TM4SF1: variants seen among roughly 807,000 people sequenced by gnomAD.
TM4SF1 encodes transmembrane 4 L6 family member 1.
TM4SF1 carries 20 observed loss-of-function variants against 24.5 expected under a neutral mutation model. That is an observed-to-expected ratio of 0.82 (90% confidence interval 0.57 to 1.19). The LOEUF (loss-of-function observed/expected upper bound fraction) is 1.19. Ranked by LOEUF, TM4SF1 falls within the 50% of genes most tolerant of loss-of-function variation. TM4SF1 has a pLI of 0.00. For synonymous variants in TM4SF1, 107 were observed against 95.4 expected (o/e 1.12, Z -0.71); for missense variants, 258 against 248.1 (o/e 1.04, Z -0.27).
intron 3 of TM4SF1, 55 bp from the exon 4 acceptor site, chr3:149,371,922 A>C: frequency 6.5e-7 from 1 of 1,538,538 alleles, no homozygotes. Context: ...GGGATACTTC[A>C]TAAACTACTT....
chr3:149,376,950 T>A (rs143646518), intron 1 of TM4SF1, among the ~76,000 whole-genome samples: 5 of 152,296 alleles, frequency 3.3e-5, no homozygotes, highest in Admixed American at 3.3e-4. Flanking sequence ...TTTTTCCCTA[T>A]CACAGATGGC....
intron 1 of TM4SF1, among the ~76,000 whole-genome samples, chr3:149,376,336 G>A (rs934329892): frequency 2.6e-5 from 4 of 152,148 alleles, no homozygotes; most frequent in Non-Finnish European, 5.9e-5. Flanking sequence ...GTGATGTTAT[G>A]TTTAAGACAA....
At chr3:149,372,048 A>G (rs911281845) in intron 3 of TM4SF1, among the ~76,000 whole-genome samples, 181 bp from the exon 4 acceptor site, 1 of 152,208 alleles carries the variant, frequency 6.6e-6, no homozygotes, top group African/African-American at 2.4e-5. Flanking sequence ...ATCCTACTGT[A>G]ATGATAAACA....
chr3:149,377,431 G>C lies in TM4SF1; in HGVS notation c.117C>G (p.Ser39=). The stretch of plus-strand genomic sequence containing the variant: ...ACACGAAGCGGCTGAGGTGGTTTTC[G>C]GAGGCATACTTTGTTTCCCCATTGG... ...YFPNGETKYA[S]ENHLSRFVWF... Residue 39 remains serine (S), a synonymous_variant, in exon 1 of 5, where the codon TCC becomes TCG. Coordinates refer to ENST00000305366, the MANE Select transcript of TM4SF1 (RefSeq NM_014220.3). 1.9e-6 allele frequency: 3 copies of C among 1,614,044 alleles called. No individual in the cohort carries two copies. Among genetic ancestry groups the C allele is most frequent in the Non-Finnish European group, 2.5e-6 (3 of 1,179,968 alleles).
Position 149,371,804 on chromosome 3 carries a change from A to G in TM4SF1, c.477T>C (p.Asn159=), listed in dbSNP as rs1326505201. 4 of 1,614,022 alleles carry G rather than the reference A, an allele frequency of 2.5e-6. No homozygotes were observed. Among genetic ancestry groups the G allele is most frequent in the Non-Finnish European group, 3.4e-6 (4 of 1,180,022 alleles). Residue 159 remains asparagine (N), a synonymous_variant, in exon 4 of 5, where the codon AAT becomes AAC. Transcript: ENST00000305366. ...CTEPKHIVEW[N]VSLFSILLAL... ...CCAAGAGGATAGAAAACAGAGATAC[A>G]TTCCATTCCACAATGTGCTTGGGTT...
chr3:149,370,338 T>C (rs1443604323), intron 4 of TM4SF1: 1 of 156,378 alleles, frequency 6.4e-6, no homozygotes, highest in African/African-American at 2.4e-5. Context: ...CTGTAGTATC[T>C]GGGAAGAAGC....
chr3:149,375,559 A>G lies in TM4SF1; in HGVS notation c.297T>C (p.Ile99=). Residue 99 remains isoleucine (I), a synonymous_variant, in exon 3 of 5, where the codon ATT becomes ATC. Coordinates refer to ENST00000305366, the MANE Select transcript of TM4SF1 (RefSeq NM_014220.3). ...AMLSSVLAAL[I]GIAGSGYCVI... is the part of the protein sequence containing the mutation. ...CACAGTAGCCAGATCCTGCAATTCC[A>G]ATGAGAGCAGCCAATACAGAAGAAA... 6.2e-7 allele frequency: 1 copy of G among 1,614,216 alleles called. No homozygotes were observed. The highest frequency in any genetic ancestry group is 8.5e-7 in the Non-Finnish European group (1 of 1,180,032).
intron 3 of TM4SF1, among the ~76,000 whole-genome samples, chr3:149,374,518 A>G (rs67727311): frequency 6.6e-6 from 1 of 152,042 alleles, no homozygotes; most frequent in Non-Finnish European, 1.5e-5. Context: ...TCATCACCAC[A>G]TACATCCGTT....
chr3:149,376,775 C>G (rs777414220), intron 1 of TM4SF1, among the ~76,000 whole-genome samples: 2 of 152,206 alleles, frequency 1.3e-5, no homozygotes, highest in Non-Finnish European at 2.9e-5. Flanking sequence ...ATTCCTCTCA[C>G]TTCAATCAAA....
rs200476284 is a variant in TM4SF1 at position 149,375,797 on chromosome 3, C to T, written c.178-28G>A. Reference sequence around the variant, plus strand: ...GGTTAGGAAACAAACAAAGTCAGGTCATTGTCTTGCTCAGGCTCATATGGG... The same window carrying T: ...GGTTAGGAAACAAACAAAGTCAGGTTATTGTCTTGCTCAGGCTCATATGGG... On this transcript the variant is annotated intron_variant, in intron 1 of 4. Transcript: ENST00000305366. The T allele has an allele frequency of 1.0e-4, 163 of 1,611,032 alleles. No individual in the cohort carries two copies. In the African/African-American group the frequency reaches 2.0e-3, roughly 20 times the overall value.
intron 4 of TM4SF1, 34 bp from the exon 5 acceptor site, chr3:149,369,914 TCA>T: frequency 6.3e-7 from 1 of 1,593,362 alleles, no homozygotes; most frequent in Non-Finnish European, 8.5e-7. Context: ...TAGGCTATAA[TCA>T]GGATAAATAA....
chr3:149,371,377 T>C, intron 4 of TM4SF1: 1 of 548,944 alleles, frequency 1.8e-6, no homozygotes, highest in Admixed American at 3.4e-5. Flanking sequence ...GACATCACTT[T>C]TTTTTCTGTC....
chr3:149,369,687 A>G lies in TM4SF1; in HGVS notation c.*179T>C. ...AAAAACAAATAAACAAACAAAAAAGAAGTTTACTAAATTTAAACACTGACA... is the reference window on the plus strand; with the variant it reads ...AAAAACAAATAAACAAACAAAAAAGGAGTTTACTAAATTTAAACACTGACA... On this transcript the variant is annotated 3_prime_UTR_variant, in exon 5 of 5. Coordinates refer to ENST00000305366, the MANE Select transcript of TM4SF1 (RefSeq NM_014220.3). The G allele has an allele frequency of 1.5e-6, 1 of 686,758 alleles. No individual in the cohort carries two copies. Among genetic ancestry groups the G allele is most frequent in the Non-Finnish European group, 2.3e-6 (1 of 432,814 alleles). 42.5% of individuals were successfully genotyped at this position (686,758 alleles called of 1,614,324 possible). A position where few individuals can be genotyped will look rare whatever the true frequency, so the allele number is the denominator to read the frequency against.
intron 4 of TM4SF1, chr3:149,370,665 C>T (rs1731800388): frequency 6.6e-6 from 1 of 152,060 alleles, no homozygotes. Context: ...GGAAATTTGC[C>T]AAAGAAATTA....
Position 149,377,610 on chromosome 3 carries a change from A to G in TM4SF1, c.-63T>C. On this transcript the variant is annotated 5_prime_UTR_variant, in exon 1 of 5. Coordinates refer to ENST00000305366, the MANE Select transcript of TM4SF1 (RefSeq NM_014220.3). ...TCAGCTCAGTGATACCCCAAATTAG[A>G]TGAAAGTGTGCCCTTCTGGTGGAGA... The G allele has an allele frequency of 3.9e-6, 6 of 1,553,910 alleles. No individual in the cohort carries two copies. In the South Asian group the frequency reaches 7.4e-5, roughly 19 times the overall value.
At chr3:149,373,806 G>A (rs1393661594) in intron 3 of TM4SF1, among the ~76,000 whole-genome samples, 1 of 152,174 alleles carries the variant, frequency 6.6e-6, no homozygotes, top group Non-Finnish European at 1.5e-5. Flanking sequence ...GATAATGGGA[G>A]GGGCAAACAG....
intron 4 of TM4SF1, chr3:149,371,341 G>C: frequency 2.1e-6 from 1 of 480,068 alleles, no homozygotes. Flanking sequence ...TATACTAGTT[G>C]GGAATATAAC....
Position 149,377,567 on chromosome 3 carries a change from TC to T in TM4SF1, c.-21del, listed in dbSNP as rs779124373. ...GCACATGGTGGTCTGCTAGGTTTTC[TC>T]CCCCTTCTCTTTGTCTTCAGCTCAG... On this transcript the variant is annotated 5_prime_UTR_variant, in exon 1 of 5. Coordinates refer to ENST00000305366, the MANE Select transcript of TM4SF1 (RefSeq NM_014220.3). 2.7e-4 allele frequency: 435 copies of T among 1,599,250 alleles called. 1 individual carries two copies. Among genetic ancestry groups the T allele is most frequent in the Non-Finnish European group, 3.4e-4 (399 of 1,171,536 alleles).
intron 4 of TM4SF1, chr3:149,370,824 AAAAG>A (rs1731804537): frequency 6.6e-6 from 1 of 152,142 alleles, no homozygotes; most frequent in Non-Finnish European, 1.5e-5. Context: ...TCTTATTTTT[AAAAG>A]AAAGTTAACA....
Sources: gnomAD v4.1 joint callset for allele counts (sites outside exome capture counted in the v4.1 genomes callset) on GRCh38, gnomAD v4.1.1 for gene constraint, MANE v1.5 for transcripts, NCBI Gene and HGNC (gene_info 2026-07-23, HGNC 2026-07-21) for gene names.